The following DCC variants were observed in gnomAD, a reference collection of about 807,000 sequenced individuals.
DCC encodes the protein DCC netrin 1 receptor, also known as netrin receptor DCC.
Under a neutral mutation model 172.5 loss-of-function variants are expected in DCC, and 58 were observed. The observed-to-expected ratio is 0.34, with a 90% CI of 0.27 to 0.42. The LOEUF (loss-of-function observed/expected upper bound fraction) is 0.42, where lower values mean the gene tolerates loss of function less well. Ranked by LOEUF, DCC falls within the 10% of genes least tolerant of loss-of-function variation. The probability of loss-of-function intolerance (pLI) is 1.00; values close to 1 mark genes in which losing one functional copy is unlikely to be tolerated. For synonymous variants in DCC, 709 were observed against 644.5 expected, an observed-to-expected ratio of 1.10 and a Z score of -1.52; for missense variants, 1,740 against 1,791.0, an observed-to-expected ratio of 0.97 and a Z score of 0.51.
chr18:52,935,839 T>A (rs879699640), intron 5 of DCC, among the ~76,000 whole-genome samples: 1 of 152,252 alleles, frequency 6.6e-6, no homozygotes, highest in South Asian at 2.1e-4. Context: ...GTAATTCTTA[T>A]TTTGAATGGA....
intron 7 of DCC, among the ~76,000 whole-genome samples, chr18:53,148,388 G>A (rs1447645680): frequency 6.6e-6 from 1 of 152,166 alleles, no homozygotes; most frequent in Non-Finnish European, 1.5e-5. Flanking sequence ...ACAAGGGAGT[G>A]ATTGAAATGG....
At chr18:52,561,695 C>T (rs1030678505) in intron 1 of DCC, among the ~76,000 whole-genome samples, 1 of 152,108 alleles carries the variant, frequency 6.6e-6, no homozygotes, top group Non-Finnish European at 1.5e-5. Flanking sequence ...AAAAGAACTT[C>T]ATCCTTAGAG....
chr18:53,216,537 C>G (rs935500478), intron 12 of DCC, among the ~76,000 whole-genome samples: 1 of 152,142 alleles, frequency 6.6e-6, no homozygotes, highest in African/African-American at 2.4e-5. Flanking sequence ...TTACTATCTT[C>G]CTTATTGACT....
chr18:52,869,430 T>A (rs1443979949), intron 2 of DCC, among the ~76,000 whole-genome samples: 1 of 152,170 alleles, frequency 6.6e-6, no homozygotes, highest in Non-Finnish European at 1.5e-5. Flanking sequence ...GAAGTGTGCC[T>A]GCATTGGTCC....
rs191151784 is a variant in DCC, at chr18:53,383,800, T to C, written c.2360-2243T>C. Among the ~76,000 whole-genome samples the C allele has an allele frequency of 1.7e-4, 26 of 151,864 alleles. No homozygotes were observed. The East Asian group carries it at 4.1e-3, about 24-fold the overall frequency. On this transcript the variant is annotated intron_variant, in intron 15 of 28. Coordinates refer to ENST00000442544, the MANE Select transcript of DCC (RefSeq NM_005215.4). ...TTTAACCTTTTCTGTATTACATCTC[T>C]AGGTCTTTTCATCTACACCAAGAAT...
intron 12 of DCC, among the ~76,000 whole-genome samples, chr18:53,221,933 T>A (rs2055939233): frequency 6.6e-6 from 1 of 152,180 alleles, no homozygotes; most frequent in Admixed American, 6.5e-5. Flanking sequence ...AAAAGCCAAC[T>A]GTCATATTTA....
At chr18:52,876,449 T>C (rs190324052) in intron 2 of DCC, among the ~76,000 whole-genome samples, 40 of 152,378 alleles carry the variant, frequency 2.6e-4, no homozygotes, top group Admixed American at 2.2e-3. Flanking sequence ...CTTTACTTGA[T>C]GGCTACATCA....
chr18:53,348,128 C>T (rs907460137), intron 15 of DCC, among the ~76,000 whole-genome samples: 18 of 152,236 alleles, frequency 1.2e-4, no homozygotes, highest in East Asian at 3.9e-4. Flanking sequence ...TCATCTGACA[C>T]GAAGGAAGTC....
chr18:53,182,179 T>C (rs540218194), intron 9 of DCC, among the ~76,000 whole-genome samples: 1 of 152,352 alleles, frequency 6.6e-6, no homozygotes, highest in Admixed American at 6.5e-5. Context: ...TTGTCACATA[T>C]AAATTCTATT....
rs577831750 is a variant in DCC at position 53,500,037 on chromosome 18, A to T, written c.4111+527A>T. Among the ~76,000 whole-genome samples, 15 of 152,350 alleles carry T rather than the reference A, an allele frequency of 9.8e-5. No homozygotes were observed. In the South Asian group the frequency reaches 3.1e-3, roughly 32 times the overall value. On this transcript the variant is annotated intron_variant, in intron 27 of 28. Coordinates refer to ENST00000442544, the MANE Select transcript of DCC (RefSeq NM_005215.4). ...TGAGTACAACTCAATTAATTTTAAA[A>T]ATGAAGAAACTAACTAACATTTAGA...
chr18:53,136,220 T>TAC (rs752342385), intron 7 of DCC, among the ~76,000 whole-genome samples: 21 of 151,012 alleles, frequency 1.4e-4, no homozygotes, highest in East Asian at 9.7e-4. Context: ...TATATATATA[T>TAC]ACACACACAC....
At chr18:52,923,667 T>C in intron 3 of DCC, 40 bp from the exon 4 acceptor site, 2 of 1,471,146 alleles carry the variant, frequency 1.4e-6, no homozygotes, top group East Asian at 2.3e-5. Flanking sequence ...CTTTGCAATG[T>C]TTTTCATATA....
chr18:52,619,090 G>T (rs991369088), intron 1 of DCC, among the ~76,000 whole-genome samples: 3 of 151,928 alleles, frequency 2.0e-5, no homozygotes, highest in African/African-American at 7.3e-5. Flanking sequence ...GGCATGCACC[G>T]CTATGCCCAG....
At chr18:53,044,629 A>C (rs2042212176) in intron 5 of DCC, among the ~76,000 whole-genome samples, 1 of 151,860 alleles carries the variant, frequency 6.6e-6, no homozygotes, top group Admixed American at 6.6e-5. Flanking sequence ...TTCTCTTCTC[A>C]AAGTACTTAC....
intron 1 of DCC, among the ~76,000 whole-genome samples, chr18:52,651,572 T>A (rs1480198621): frequency 6.6e-6 from 1 of 152,118 alleles, no homozygotes; most frequent in Non-Finnish European, 1.5e-5. Context: ...GTGTTTGAAG[T>A]CTACTCCTTT....
chr18:53,524,836 C>A (rs1039245441), intron 27 of DCC, among the ~76,000 whole-genome samples: 2 of 152,084 alleles, frequency 1.3e-5, no homozygotes, highest in Admixed American at 1.3e-4. Flanking sequence ...ATTCTTACAC[C>A]GCCTGCCCAT....
At chr18:52,445,408 C>T (rs1988091604) in intron 1 of DCC, among the ~76,000 whole-genome samples, 1 of 151,992 alleles carries the variant, frequency 6.6e-6, no homozygotes, top group Non-Finnish European at 1.5e-5. Context: ...TTACCTGTCT[C>T]TTCATAGCAT....
intron 14 of DCC, among the ~76,000 whole-genome samples, chr18:53,329,389 C>T (rs979032711): frequency 9.2e-5 from 14 of 151,846 alleles, no homozygotes; most frequent in African/African-American, 3.4e-4. Flanking sequence ...CAAGACACTG[C>T]ACTAAAAACC....
At chr18:52,882,698 G>C (rs886844868) in intron 2 of DCC, among the ~76,000 whole-genome samples, 1 of 152,030 alleles carries the variant, frequency 6.6e-6, no homozygotes, top group South Asian at 2.1e-4. Context: ...CCTTGAGAAT[G>C]GTTCATGTCC....
Sources: gnomAD v4.1 joint callset for allele counts (sites outside exome capture counted in the v4.1 genomes callset) on GRCh38, gnomAD v4.1.1 for gene constraint, MANE v1.5 for transcripts, NCBI Gene and HGNC (gene_info 2026-07-23, HGNC 2026-07-21) for gene names.